ITPR2: variants seen among roughly 807,000 people sequenced by gnomAD.
The protein encoded by ITPR2 is inositol 1,4,5-trisphosphate-gated calcium channel ITPR2.
A neutral mutation model predicts 317.1 loss-of-function variants in ITPR2; 207 were observed. The ratio of observed to expected loss-of-function variants is 0.65; its 90% CI spans 0.58 to 0.73. ITPR2 has a LOEUF of 0.73. Ranked by LOEUF, ITPR2 falls within the 30% of genes least tolerant of loss-of-function variation. The pLI, the probability that ITPR2 is intolerant of heterozygous loss-of-function variation, is 0.00. For missense variants in ITPR2, 2,613 were observed against 3,284.0 expected, an observed-to-expected ratio of 0.80 and a Z score of 4.99; for synonymous variants, 1,156 against 1,149.1, an observed-to-expected ratio of 1.01 and a Z score of -0.12.
intron 17 of ITPR2, 32 bp from the exon 18 acceptor site, chr12:26,657,924 TA>T (rs752648153): frequency 6.2e-7 from 1 of 1,607,816 alleles, no homozygotes; most frequent in Non-Finnish European, 8.5e-7. Flanking sequence ...AAAAATCTAC[TA>T]AAAAGTACAC....
intron 45 of ITPR2, among the ~76,000 whole-genome samples, chr12:26,458,472 T>G (rs2136776972): frequency 6.6e-6 from 1 of 152,282 alleles, no homozygotes; most frequent in South Asian, 2.1e-4. Flanking sequence ...AGAAAGGGCC[T>G]GGCTGCCTGT....
intron 1 of ITPR2, among the ~76,000 whole-genome samples, chr12:26,802,401 A>T (rs141350321): frequency 2.5e-3 from 373 of 152,130 alleles, no homozygotes; most frequent in Middle Eastern, 0.021. Flanking sequence ...TAATGCTAGC[A>T]CTTTGCGAGG....
At chr12:26,607,501 A>G (rs969111675) in intron 26 of ITPR2, among the ~76,000 whole-genome samples, 1 of 151,962 alleles carries the variant, frequency 6.6e-6, no homozygotes, top group African/African-American at 2.4e-5. Context: ...ATTTAGGAAG[A>G]TATCACCCTA....
chr12:26,767,023 G>C (rs1949732538), intron 2 of ITPR2, among the ~76,000 whole-genome samples: 1 of 152,084 alleles, frequency 6.6e-6, no homozygotes, highest in Admixed American at 6.5e-5. Flanking sequence ...AATAAGCCTA[G>C]GTTTTTTTCC....
At chr12:26,737,493 T>G (rs777116053) in intron 2 of ITPR2, among the ~76,000 whole-genome samples, 1 of 152,176 alleles carries the variant, frequency 6.6e-6, no homozygotes, top group Non-Finnish European at 1.5e-5. Flanking sequence ...GACCTCGTGA[T>G]CTGCCCACCT....
intron 49 of ITPR2, among the ~76,000 whole-genome samples, chr12:26,424,650 C>G (rs1941000282): frequency 8.0e-6 from 1 of 124,834 alleles, no homozygotes; most frequent in Admixed American, 1.0e-4. Context: ...AGTGCAGTGG[C>G]ACGATCTCGG....
chr12:26,588,085 G>A (rs1039445499), intron 32 of ITPR2, among the ~76,000 whole-genome samples: 2 of 152,172 alleles, frequency 1.3e-5, no homozygotes, highest in Admixed American at 1.3e-4. Flanking sequence ...CTTGAAAAGG[G>A]GTTATTTTAG....
chr12:26,433,696 G>T (rs1250495128), intron 48 of ITPR2, among the ~76,000 whole-genome samples: 2 of 152,130 alleles, frequency 1.3e-5, no homozygotes, highest in East Asian at 1.9e-4. Context: ...AAGGGACCAA[G>T]AAATGAATAA....
At chr12:26,598,513 T>A (rs1240311979) in intron 30 of ITPR2, among the ~76,000 whole-genome samples, 1 of 152,198 alleles carries the variant, frequency 6.6e-6, no homozygotes, top group Non-Finnish European at 1.5e-5. Flanking sequence ...CTGCTACTTC[T>A]CCAATGTATC....
At chr12:26,769,038 C>T (rs1949793456) in intron 2 of ITPR2, among the ~76,000 whole-genome samples, 1 of 145,516 alleles carries the variant, frequency 6.9e-6, no homozygotes, top group Non-Finnish European at 1.5e-5. Flanking sequence ...CCAATCTCAG[C>T]CACATAGTAA....
chr12:26,668,695 A>C (rs1047111626), intron 13 of ITPR2, among the ~76,000 whole-genome samples: 1 of 152,224 alleles, frequency 6.6e-6, no homozygotes, highest in Non-Finnish European at 1.5e-5. Context: ...CAGTTTCAAA[A>C]TAAGTTTTAA....
At chr12:26,427,048 G>A (rs1277572184) in intron 49 of ITPR2, among the ~76,000 whole-genome samples, 4 of 151,834 alleles carry the variant, frequency 2.6e-5, no homozygotes, top group Admixed American at 2.6e-4. Flanking sequence ...TACCTATAAT[G>A]TTCTTGATAC....
chr12:26,718,362 C>T (rs974669988), intron 5 of ITPR2, among the ~76,000 whole-genome samples: 2 of 152,030 alleles, frequency 1.3e-5, no homozygotes, highest in African/African-American at 2.4e-5. Context: ...AATATAATGA[C>T]ATATTTTAAC....
intron 10 of ITPR2, among the ~76,000 whole-genome samples, chr12:26,692,368 A>T (rs1948257218): frequency 6.6e-6 from 1 of 152,220 alleles, no homozygotes; most frequent in Non-Finnish European, 1.5e-5. Context: ...GGCAAAAGCC[A>T]TTGCACCACA....
chr12:26,606,209 C>CACTTAGAAAAGAACACTTTT (rs1339227753), intron 26 of ITPR2, among the ~76,000 whole-genome samples: 2 of 150,464 alleles, frequency 1.3e-5, no homozygotes, highest in Non-Finnish European at 3.0e-5. Context: ...AAAAGTGTGA[C>CACTTAGAAAAGAACACTTTT]ACTTAGAACA....
At position 26,663,682 on chromosome 12, in the gene ITPR2, G is replaced by A. The variant is rs1388615221; in HGVS notation, c.1713+3C>T. 4 of 1,608,674 alleles carry A rather than the reference G, an allele frequency of 2.5e-6. No homozygotes were observed. Among genetic ancestry groups the A allele is most frequent in the East Asian group, 4.5e-5 (2 of 44,728 alleles). Reference sequence around the variant, plus strand: ...CAGTTTAAAATGGGGGCTACCCTCTGACCTGATTTTTCCGGTAATCCTGCT... The same window carrying A: ...CAGTTTAAAATGGGGGCTACCCTCTAACCTGATTTTTCCGGTAATCCTGCT... On this transcript the variant is annotated splice_donor_region_variant and intron_variant, in intron 15 of 56. Coordinates refer to ENST00000381340, the MANE Select transcript of ITPR2 (RefSeq NM_002223.4).
In ITPR2 at chr12:26,722,487, A is replaced by G; in HGVS notation, c.435T>C (p.Asn145=). 1 of 1,613,296 alleles carries G rather than the reference A, an allele frequency of 6.2e-7. No individual in the cohort carries two copies. Among genetic ancestry groups the G allele is most frequent in the Non-Finnish European group, 8.5e-7 (1 of 1,179,440 alleles). ...NKRLPALLEK[N]AMRVSLDAAG... is the part of the protein sequence containing the mutation. ...CAGCATCCAAGGACACACGCATGGCATTCTTCTCCAGTAAAGCAGGTAATC... is the reference window on the plus strand; with the variant it reads ...CAGCATCCAAGGACACACGCATGGCGTTCTTCTCCAGTAAAGCAGGTAATC... Residue 145 remains asparagine, a synonymous_variant, in exon 5 of 57, where the codon AAT becomes AAC. Coordinates refer to ENST00000381340, the MANE Select transcript of ITPR2 (RefSeq NM_002223.4).
At chr12:26,491,400 G>A (rs545724689) in intron 39 of ITPR2, among the ~76,000 whole-genome samples, 38 of 146,400 alleles carry the variant, frequency 2.6e-4, no homozygotes, top group South Asian at 1.1e-3. Context: ...GGAGAATGGC[G>A]TGAACCCAGG....
chr12:26,796,430 G>A (rs537309322), intron 1 of ITPR2, among the ~76,000 whole-genome samples: 1 of 152,226 alleles, frequency 6.6e-6, no homozygotes, highest in South Asian at 2.1e-4. Context: ...CAACAAATTG[G>A]TAAAAAGTAA....
Sources: gnomAD v4.1 joint callset for allele counts (sites outside exome capture counted in the v4.1 genomes callset) on GRCh38, gnomAD v4.1.1 for gene constraint, MANE v1.5 for transcripts, NCBI Gene and HGNC (gene_info 2026-07-23, HGNC 2026-07-21) for gene names.